Variants in NREP observed in about 807,000 individuals in gnomAD.
NREP encodes neuronal regeneration-related protein.
A neutral mutation model predicts 8.6 loss-of-function variants in NREP; 5 were observed. The ratio of observed to expected loss-of-function variants is 0.58; its 90% CI spans 0.30 to 1.22. The LOEUF is 1.22. NREP is among the 50% of genes most tolerant of loss of function. The pLI is 0.07. For synonymous variants in NREP, 27 were observed against 28.0 expected (o/e 0.96, Z 0.11); for missense variants, 86 against 82.5 (o/e 1.04, Z -0.17).
At chr5:111,830,111 A>G (rs1752728452) in intron 2 of NREP, among the ~76,000 whole-genome samples, 1 of 152,136 alleles carries the variant, frequency 6.6e-6, no homozygotes, top group Non-Finnish European at 1.5e-5. Flanking sequence ...GTGGCCCAAC[A>G]CAACTTTGTC....
intron 2 of NREP, among the ~76,000 whole-genome samples, chr5:111,896,169 G>A (rs1318231265): frequency 6.6e-6 from 1 of 152,118 alleles, no homozygotes; most frequent in African/African-American, 2.4e-5. Flanking sequence ...TTGGTAGGAG[G>A]CTATTGAAAT....
At chr5:111,892,431 G>A (rs1336210261) in intron 2 of NREP, among the ~76,000 whole-genome samples, 1 of 152,112 alleles carries the variant, frequency 6.6e-6, no homozygotes, top group African/African-American at 2.4e-5. Flanking sequence ...GAGTCACTCA[G>A]GGCACAATCC....
At chr5:111,760,268 T>C (rs1002216058), upstream of NREP, among the ~76,000 whole-genome samples, 8 of 152,262 alleles carry the variant, frequency 5.3e-5, no homozygotes, top group South Asian at 8.3e-4. Context: ...TACCAAATGT[T>C]CCAAGGGGTC....
intron 2 of NREP, among the ~76,000 whole-genome samples, chr5:111,857,284 G>A (rs1753446875): frequency 6.6e-6 from 1 of 152,170 alleles, no homozygotes; most frequent in South Asian, 2.1e-4. Flanking sequence ...TCAGGCCTTG[G>A]GGCCATGTGG....
chr5:111,869,843 T>G (rs574900260), intron 2 of NREP, among the ~76,000 whole-genome samples: 9 of 152,326 alleles, frequency 5.9e-5, no homozygotes, highest in Admixed American at 1.3e-4. Flanking sequence ...AGCCTAAAGT[T>G]GAGCAAATGT....
intron 2 of NREP, among the ~76,000 whole-genome samples, chr5:111,737,506 A>C (rs1749235270): frequency 6.6e-6 from 1 of 152,200 alleles, no homozygotes; most frequent in Non-Finnish European, 1.5e-5. Context: ...GAAGCAAAGA[A>C]AAGCAAGGTC....
intron 2 of NREP, among the ~76,000 whole-genome samples, chr5:111,928,855 T>A (rs983627627): frequency 1.3e-5 from 2 of 152,116 alleles, no homozygotes; most frequent in African/African-American, 4.8e-5. Flanking sequence ...CTTAAAAAGA[T>A]CTCAGCTAAC....
rs143571859 is a variant in NREP, at chr5:111,962,974, C to T, written c.135+12300G>A. Among the ~76,000 whole-genome samples the T allele has an allele frequency of 8.5e-3, 1,296 of 152,322 alleles. 6 individuals are homozygous for T. Among genetic ancestry groups the T allele is most frequent in the Non-Finnish European group, 0.012 (816 of 68,030 alleles). ...TCCATGCAACTTCATCCTTTTTGGA[C>T]GGCAGACAAGAGCTTGGGACCCAAC... On this transcript the variant is annotated intron_variant, in intron 2 of 3. Coordinates refer to the NREP transcript ENST00000395634.
At chr5:111,881,962 G>A (rs566603468) in intron 2 of NREP, among the ~76,000 whole-genome samples, 44 of 152,318 alleles carry the variant, frequency 2.9e-4, no homozygotes, top group South Asian at 6.2e-4. Flanking sequence ...CACCAGCAAC[G>A]GAACAAAGCT....
At chr5:111,908,281 T>C (rs1341500460) in intron 2 of NREP, among the ~76,000 whole-genome samples, 1 of 152,020 alleles carries the variant, frequency 6.6e-6, no homozygotes, top group Non-Finnish European at 1.5e-5. Flanking sequence ...TTTTAAGAAA[T>C]AATTTTAACT....
intron 2 of NREP, among the ~76,000 whole-genome samples, chr5:111,885,449 T>G (rs562235417): frequency 6.6e-6 from 1 of 152,086 alleles, no homozygotes; most frequent in South Asian, 2.1e-4. Context: ...TACCAATGAC[T>G]TTCTTCACAG....
intron 2 of NREP, among the ~76,000 whole-genome samples, chr5:111,908,638 G>T (rs1034179857): frequency 6.6e-6 from 1 of 150,710 alleles, no homozygotes; most frequent in Non-Finnish European, 1.5e-5. Context: ...AGTATTTCAT[G>T]TTGTATACAT....
upstream of NREP, chr5:111,757,303 G>A (rs1374844563): frequency 7.0e-6 from 5 of 715,848 alleles, no homozygotes; most frequent in Non-Finnish European, 8.6e-6. Flanking sequence ...GAGGGGGAAG[G>A]GAAACAAAAC....
At chr5:111,868,266 C>T (rs1028847913) in intron 2 of NREP, among the ~76,000 whole-genome samples, 1 of 152,090 alleles carries the variant, frequency 6.6e-6, no homozygotes, top group Non-Finnish European at 1.5e-5. Flanking sequence ...AGCTAGCATG[C>T]TCTCATACAC....
intron 2 of NREP, among the ~76,000 whole-genome samples, chr5:111,855,018 TTTA>T (rs1753395226): frequency 6.6e-6 from 1 of 152,228 alleles, no homozygotes; most frequent in Non-Finnish European, 1.5e-5. Flanking sequence ...CTGATTTTTT[TTTA>T]TTAATATGAT....
chr5:111,952,224 C>G (rs1260761281), intron 2 of NREP, among the ~76,000 whole-genome samples: 1 of 152,128 alleles, frequency 6.6e-6, no homozygotes, highest in Non-Finnish European at 1.5e-5. Context: ...CACCTGGTCT[C>G]CACATTGCAT....
rs182072397 is a variant in NREP at position 111,930,317 on chromosome 5, C to G, written c.135+44957G>C. On this transcript the variant is annotated intron_variant, in intron 2 of 3. Coordinates refer to the NREP transcript ENST00000395634. ...AGGACAAATTCCACTCCATCTGTTA[C>G]TAACACCAAATGAGAATAAATGTAG... is the stretch of plus-strand genomic sequence containing the variant. Among the ~76,000 whole-genome samples the G allele has an allele frequency of 3.3e-5, 5 of 152,248 alleles. No individual in the cohort carries two copies. In the East Asian group the frequency reaches 9.7e-4, roughly 29 times the overall value.
chr5:111,883,468 C>A (rs1754144050), intron 2 of NREP, among the ~76,000 whole-genome samples: 1 of 152,132 alleles, frequency 6.6e-6, no homozygotes, highest in Non-Finnish European at 1.5e-5. Context: ...CTGCACCAAG[C>A]AGACCTAATA....
rs537278767 is a variant in NREP, at chr5:111,770,747, T to G, written c.136-35240A>C. Among the ~76,000 whole-genome samples, 5 of 152,016 alleles carry G rather than the reference T, an allele frequency of 3.3e-5. No homozygotes were observed. In the South Asian group the frequency reaches 6.3e-4, roughly 19 times the overall value. ...ACCATGCCCAGCTAATTTTTGTATT[T>G]TTTGTAGAGACAGGGTCTCACCGTG... On this transcript the variant is annotated intron_variant, in intron 2 of 3. Transcript: ENST00000395634.
Sources: allele counts gnomAD v4.1 joint callset (sites outside exome capture counted in the v4.1 genomes callset), GRCh38; gene constraint gnomAD v4.1.1; transcripts MANE v1.5; gene names NCBI Gene and HGNC (gene_info 2026-07-23, HGNC 2026-07-21).